The following PCDH9 variants were observed in gnomAD, a reference collection of about 807,000 sequenced individuals.
PCDH9 encodes the protein protocadherin 9.
A neutral mutation model predicts 70.6 loss-of-function variants in PCDH9; 24 were observed. The observed-to-expected ratio is 0.34, with a 90% CI of 0.25 to 0.48. The LOEUF (loss-of-function observed/expected upper bound fraction) is 0.48, where lower values mean the gene tolerates loss of function less well. Ranked by LOEUF, PCDH9 falls within the 20% of genes least tolerant of loss-of-function variation. The pLI, the probability that PCDH9 is intolerant of heterozygous loss-of-function variation, is 0.99. For missense variants in PCDH9, 1,281 were observed against 1,503.6 expected (o/e 0.85, Z 2.45); for synonymous variants, 562 against 558.5 (o/e 1.01, Z -0.09).
In PCDH9 at chr13:66,699,716, C is replaced by T. The variant is rs572058254; in HGVS notation, c.3139-68305G>A. On this transcript the variant is annotated intron_variant, in intron 3 of 4. Transcript: ENST00000377865. Reference sequence around the variant, plus strand: ...TTTTTGGACTTTCAGCCTAGAATTGCGAGATAATAAATTTCTCGCAATAAA... The same window carrying T: ...TTTTTGGACTTTCAGCCTAGAATTGTGAGATAATAAATTTCTCGCAATAAA... Among the ~76,000 whole-genome samples the T allele has an allele frequency of 3.9e-5, 6 of 152,114 alleles. No individual in the cohort carries two copies. In the South Asian group the frequency reaches 1.2e-3, roughly 32 times the overall value.
intron 3 of PCDH9, among the ~76,000 whole-genome samples, chr13:66,741,982 GA>G (rs1325043527): frequency 2.0e-5 from 3 of 148,158 alleles, no homozygotes; most frequent in African/African-American, 7.7e-5. Context: ...CACAGAATTG[GA>G]AAAAACTACT....
At chr13:66,531,354 T>A (rs1351973695) in intron 4 of PCDH9, among the ~76,000 whole-genome samples, 1 of 152,124 alleles carries the variant, frequency 6.6e-6, no homozygotes, top group African/African-American at 2.4e-5. Context: ...TTAATCACAA[T>A]GGATTGCCAT....
At position 67,078,232 on chromosome 13, in the gene PCDH9, C is replaced by T. The variant is rs115578787; in HGVS notation, c.3036+147173G>A. 3.0e-3 allele frequency among the ~76,000 whole-genome samples: 454 copies of T among 152,234 alleles called. 2 individuals are homozygous for T. The highest frequency in any genetic ancestry group is 9.9e-3 in the African/African-American group (412 of 41,548). ...CCAAAGGCTGAGTGTCCAAGGAATT[C>T]GTGCTGGTACCGTGGCTCCCAGCTG... On this transcript the variant is annotated intron_variant, in intron 2 of 4. Transcript: ENST00000377865.
chr13:66,708,511 A>T (rs947363692), intron 3 of PCDH9, among the ~76,000 whole-genome samples: 2 of 151,432 alleles, frequency 1.3e-5, no homozygotes, highest in African/African-American at 4.9e-5. Flanking sequence ...ATAGTCTTAC[A>T]TTCAGGAAAA....
At chr13:66,435,330 T>A (rs1016667465) in intron 4 of PCDH9, among the ~76,000 whole-genome samples, 2 of 152,180 alleles carry the variant, frequency 1.3e-5, no homozygotes, top group African/African-American at 4.8e-5. Context: ...TAAGGGACAT[T>A]AAATATGTCC....
chr13:66,408,714 C>T (rs1307792506), intron 4 of PCDH9, among the ~76,000 whole-genome samples: 1 of 151,500 alleles, frequency 6.6e-6, no homozygotes, highest in Admixed American at 6.6e-5. Flanking sequence ...TCTTTTTGTC[C>T]TTTTCTTCTT....
At chr13:67,164,653 C>T (rs955210326) in intron 2 of PCDH9, among the ~76,000 whole-genome samples, 2 of 152,102 alleles carry the variant, frequency 1.3e-5, no homozygotes, top group African/African-American at 2.4e-5. Flanking sequence ...TGCAAACTCT[C>T]CCTACCCTTC....
At chr13:66,452,759 C>T (rs1958239290) in intron 4 of PCDH9, among the ~76,000 whole-genome samples, 4 of 152,008 alleles carry the variant, frequency 2.6e-5, no homozygotes. Context: ...TATTAGTGGC[C>T]CCTGAGAAGC....
chr13:66,506,588 A>G, intron 4 of PCDH9, among the ~76,000 whole-genome samples: 1 of 152,148 alleles, frequency 6.6e-6, no homozygotes, highest in Non-Finnish European at 1.5e-5. Context: ...GCTGGAGTCC[A>G]TTTTGCGGTC....
At chr13:66,527,441 C>A (rs977412756) in intron 4 of PCDH9, among the ~76,000 whole-genome samples, 1 of 152,094 alleles carries the variant, frequency 6.6e-6, no homozygotes, top group South Asian at 2.1e-4. Context: ...CTGTATTCAT[C>A]TTTGCCCCTC....
intron 4 of PCDH9, among the ~76,000 whole-genome samples, chr13:66,610,509 A>G (rs1169093154): frequency 1.3e-5 from 2 of 152,030 alleles, no homozygotes; most frequent in Non-Finnish European, 2.9e-5. Flanking sequence ...ATATAGGCCA[A>G]TTTCTCTTTC....
chr13:67,148,337 C>G (rs2087573661), intron 2 of PCDH9, among the ~76,000 whole-genome samples: 1 of 151,588 alleles, frequency 6.6e-6, no homozygotes, highest in South Asian at 2.1e-4. Context: ...TTTCCCCAGA[C>G]AGTTAGGGAC....
intron 2 of PCDH9, among the ~76,000 whole-genome samples, chr13:67,058,877 C>T (rs1402077655): frequency 2.6e-5 from 4 of 152,016 alleles, no homozygotes; most frequent in South Asian, 2.1e-4. Context: ...ATGTACTCTC[C>T]TTGTTTTTAG....
Position 67,228,079 on chromosome 13 carries a change from T to A in PCDH9, c.362A>T (p.Asp121Val). 1 of 1,614,080 alleles carries A rather than the reference T, an allele frequency of 6.2e-7. No homozygotes were observed. Among genetic ancestry groups the A allele is most frequent in the Non-Finnish European group, 8.5e-7 (1 of 1,179,994 alleles). The change falls in exon 2 of 5, where the codon GAT (aspartate) becomes GTT (valine). Residue 121 changes from aspartate (D) to valine (V), a missense_variant. Physicochemically the swap from Asp to Val is radical, Grantham distance 152. Around this residue, in one of 4 missense-constraint regions of PCDH9, gnomAD observed 798 missense variants for 1,003.1 expected, o/e 0.80. Transcript: ENST00000377865. ...TTTTATTTTGATCAGCCTGAAGAAATCATTGGGGAGGATCACCACCTCAAG... is the reference window on the plus strand; with the variant it reads ...TTTTATTTTGATCAGCCTGAAGAAAACATTGGGGAGGATCACCACCTCAAG... Reference protein sequence around the residue: ...FELEVVILPNDFFRLIKIKII... With the variant: ...FELEVVILPNVFFRLIKIKII...
At chr13:67,114,805 T>G (rs940041358) in intron 2 of PCDH9, among the ~76,000 whole-genome samples, 3 of 152,212 alleles carry the variant, frequency 2.0e-5, no homozygotes, top group Admixed American at 1.3e-4. Context: ...GAAAATTTGG[T>G]GCTAGATAAA....
rs567408801 is a variant in PCDH9 at position 67,051,382 on chromosome 13, A to ATTTTTTTTTTTT, written c.3037-147789_3037-147778dup. 3.0e-3 allele frequency among the ~76,000 whole-genome samples: 216 copies of ATTTTTTTTTTTT among 70,996 alleles called. 16 individuals carry two copies. The highest frequency in any genetic ancestry group is 2.9e-3 in the Non-Finnish European group (117 of 40,750). 46.6% of individuals were successfully genotyped at this position (70,996 alleles called of 152,430 possible). On this transcript the variant is annotated intron_variant, in intron 2 of 4. Coordinates refer to ENST00000377865, the MANE Select transcript of PCDH9 (RefSeq NM_203487.3). The stretch of plus-strand genomic sequence containing the variant: ...CGAAATACCAGGAAAACAATACAAG[A>ATTTTTTTTTTTT]TTTTTTTTTTTTTTTTTTTTTTTTT...
chr13:67,026,196 C>T (rs1479483025), intron 2 of PCDH9, among the ~76,000 whole-genome samples: 2 of 152,160 alleles, frequency 1.3e-5, no homozygotes, highest in East Asian at 1.9e-4. Context: ...GGATGAAGCC[C>T]ACTTGATCAT....
At chr13:66,847,101 A>G (rs1566237121) in intron 3 of PCDH9, among the ~76,000 whole-genome samples, 1 of 152,136 alleles carries the variant, frequency 6.6e-6, no homozygotes, top group Non-Finnish European at 1.5e-5. Context: ...AATACACTAA[A>G]CCTATTAAGT....
chr13:66,488,057 C>T (rs1423330105), intron 4 of PCDH9, among the ~76,000 whole-genome samples: 1 of 152,116 alleles, frequency 6.6e-6, no homozygotes, highest in South Asian at 2.1e-4. Context: ...ACATGTTTTC[C>T]CTGGCTTTGT....
Sources: allele counts gnomAD v4.1 joint callset (sites outside exome capture counted in the v4.1 genomes callset), GRCh38; gene constraint gnomAD v4.1.1; regional missense constraint gnomAD v4.1.1; transcripts MANE v1.5; gene names NCBI Gene and HGNC (gene_info 2026-07-23, HGNC 2026-07-21).